Variants in CPT1A observed in about 807,000 individuals in gnomAD.
CPT1A encodes the protein carnitine O-palmitoyltransferase 1, liver isoform.
CPT1A carries 64 observed loss-of-function variants against 100.8 expected under a neutral mutation model. The ratio of observed to expected loss-of-function variants is 0.63; its 90% CI spans 0.52 to 0.78. The LOEUF (loss-of-function observed/expected upper bound fraction) is 0.78, where lower values mean the gene tolerates loss of function less well. Among genes scored for constraint, CPT1A ranks in the 30% least tolerant of loss-of-function variants. CPT1A has a pLI of 0.00. For missense variants in CPT1A, 802 were observed against 1,034.1 expected, an observed-to-expected ratio of 0.78 and a Z score of 3.08; for synonymous variants, 363 against 396.0, an observed-to-expected ratio of 0.92 and a Z score of 0.99.
chr11:68,779,795 CAAAAAAA>C (rs11419131), intron 12 of CPT1A, among the ~76,000 whole-genome samples: 1 of 124,054 alleles, frequency 8.1e-6, no homozygotes, highest in Non-Finnish European at 1.6e-5. Flanking sequence ...GACCCTGTCT[CAAAAAAA>C]AAAAAAAAAA....
In CPT1A at chr11:68,815,399, C is replaced by T; in HGVS notation, c.76G>A (p.Glu26Lys). The T allele has an allele frequency of 6.2e-7, 1 of 1,614,176 alleles. No homozygotes were observed. Among genetic ancestry groups the T allele is most frequent in the Non-Finnish European group, 8.5e-7 (1 of 1,180,012 alleles). ...GAGAGATAGATTTGTCTAAGAGCTT[C>T]ATGGCTCAGCCGCAGGTCAATCCCG... The part of the protein sequence containing the change: ...PDGIDLRLSH[E>K]ALRQIYLSGL... The change falls in exon 2 of 19, where the codon GAA (glutamate) becomes AAA (lysine). Residue 26 changes from glutamate (E) to lysine (K), a missense_variant. Physicochemically the swap from Glu to Lys is moderately conservative, Grantham distance 56. Coordinates refer to ENST00000265641, the MANE Select transcript of CPT1A (RefSeq NM_001876.4).
chr11:68,772,080 G>A (rs997538256), intron 14 of CPT1A, among the ~76,000 whole-genome samples: 2 of 152,224 alleles, frequency 1.3e-5, no homozygotes, highest in African/African-American at 2.4e-5. Flanking sequence ...GGCTGGGCAC[G>A]GTGGCTCACG....
chr11:68,841,984 G>A, upstream of CPT1A: 1 of 985,170 alleles, frequency 1.0e-6, no homozygotes, highest in Non-Finnish European at 1.2e-6. This position sits in a 1 kb window ranked among gnomAD's most constrained non-coding sequence, Gnocchi z 6.3. Flanking sequence ...GCGGGCCCGG[G>A]GCCTCGGCGG....
chr11:68,836,508 C>T (rs1320528358), intron 1 of CPT1A, among the ~76,000 whole-genome samples: 1 of 152,086 alleles, frequency 6.6e-6, no homozygotes, highest in African/African-American at 2.4e-5. Flanking sequence ...CGCAGTGGCT[C>T]ATGCCTGTAA....
At chr11:68,839,644 C>T in intron 1 of CPT1A, 1 of 985,504 alleles carries the variant, frequency 1.0e-6, no homozygotes, top group African/African-American at 1.7e-5. Flanking sequence ...TCCAACGAGC[C>T]AGAAACGCAG....
intron 1 of CPT1A, among the ~76,000 whole-genome samples, chr11:68,827,319 C>T (rs535492984): frequency 1.1e-3 from 165 of 152,218 alleles, no homozygotes; most frequent in African/African-American, 3.8e-3. Flanking sequence ...GGCGACAGAA[C>T]GAGATCTTGT....
intron 14 of CPT1A, among the ~76,000 whole-genome samples, chr11:68,771,093 G>C (rs1055550753): frequency 5.3e-5 from 8 of 152,220 alleles, no homozygotes; most frequent in Non-Finnish European, 7.3e-5. Context: ...CTGGGGAGCA[G>C]ATGGGGTGGC....
Position 68,782,852 on chromosome 11 carries a change from C to T in CPT1A, c.1164-893G>A, listed in dbSNP as rs111562713. On this transcript the variant is annotated intron_variant, in intron 10 of 18. Coordinates refer to ENST00000265641, the MANE Select transcript of CPT1A (RefSeq NM_001876.4). ...AAGGTGACGCTGACGGTGGCCGGCA[C>T]GTACGGAGCCCTTCCTGTGAATGAC... is the stretch of plus-strand genomic sequence containing the variant. Among the ~76,000 whole-genome samples, 723 of 152,258 alleles carry T rather than the reference C, an allele frequency of 4.7e-3. 5 individuals carry two copies. The highest frequency in any genetic ancestry group is 0.016 in the African/African-American group (681 of 41,508).
intron 10 of CPT1A, among the ~76,000 whole-genome samples, chr11:68,783,426 G>A (rs952094887): frequency 1.3e-5 from 2 of 152,038 alleles, no homozygotes; most frequent in African/African-American, 4.8e-5. Flanking sequence ...TGCTACCCCG[G>A]GGCATGCGGC....
At chr11:68,804,390 T>C (rs1387302725) in intron 4 of CPT1A, among the ~76,000 whole-genome samples, 3 of 152,100 alleles carry the variant, frequency 2.0e-5, no homozygotes, top group African/African-American at 7.2e-5. Flanking sequence ...CTGCCCTCCA[T>C]GCCAATAAAA....
At position 68,795,792 on chromosome 11, in the gene CPT1A, C is replaced by A. The variant is rs868434027; in HGVS notation, c.772-881G>T. On this transcript the variant is annotated intron_variant, in intron 7 of 18. Coordinates refer to ENST00000265641, the MANE Select transcript of CPT1A (RefSeq NM_001876.4). ...GGGCGTTGTGGCAGGTGCCTGTAATCCCAGCTACTCGGGAGGCTGAGGCAG... is the reference window on the plus strand; with the variant it reads ...GGGCGTTGTGGCAGGTGCCTGTAATACCAGCTACTCGGGAGGCTGAGGCAG... Among the ~76,000 whole-genome samples the A allele has an allele frequency of 6.6e-4, 100 of 151,846 alleles. 1 individual carries two copies. Among genetic ancestry groups the A allele is most frequent in the African/African-American group, 2.3e-3 (97 of 41,410 alleles).
chr11:68,789,639 T>A (rs531709345), intron 9 of CPT1A, among the ~76,000 whole-genome samples: 50 of 152,286 alleles, frequency 3.3e-4, no homozygotes, highest in African/African-American at 1.2e-3. Context: ...TGACCTCAAG[T>A]GATCCACCCG....
intron 10 of CPT1A, among the ~76,000 whole-genome samples, chr11:68,783,066 C>T (rs902823010): frequency 2.0e-5 from 3 of 152,164 alleles, no homozygotes; most frequent in African/African-American, 7.2e-5. Flanking sequence ...CATCTCCTGC[C>T]GCCGCTCTTT....
chr11:68,815,481 A>C lies in CPT1A; in HGVS notation c.-7T>G. 6.2e-7 allele frequency: 1 copy of C among 1,614,074 alleles called. No individual in the cohort carries two copies. Among genetic ancestry groups the C allele is most frequent in the South Asian group, 1.1e-5 (1 of 91,082 alleles). The stretch of plus-strand genomic sequence containing the variant: ...CTTGGTGAGCTTCTGCCATCTTCAG[A>C]GAGTACCTGGAAGGAGAAGGAGAAA... On this transcript the variant is annotated 5_prime_UTR_variant, in exon 2 of 19. Coordinates refer to ENST00000265641, the MANE Select transcript of CPT1A (RefSeq NM_001876.4).
chr11:68,763,011 A>G (rs1162867950), intron 14 of CPT1A, among the ~76,000 whole-genome samples: 2 of 151,612 alleles, frequency 1.3e-5, no homozygotes, highest in African/African-American at 4.9e-5. Flanking sequence ...GTGCATGCTA[A>G]TTTTTTTAAA....
chr11:68,821,964 A>G (rs1253850637), intron 1 of CPT1A, among the ~76,000 whole-genome samples: 1 of 152,208 alleles, frequency 6.6e-6, no homozygotes, highest in Non-Finnish European at 1.5e-5. Context: ...GGCTAGTATC[A>G]CAAAGATGGA....
chr11:68,785,610 T>A (rs1476417577), intron 9 of CPT1A: 9 of 122,322 alleles, frequency 7.4e-5, no homozygotes, highest in Admixed American at 3.9e-4. Context: ...ATATTATCAT[T>A]AAAAAAAAAA....
chr11:68,772,533 T>C (rs994369689), intron 14 of CPT1A, among the ~76,000 whole-genome samples: 5 of 151,922 alleles, frequency 3.3e-5, no homozygotes, highest in African/African-American at 1.2e-4. Flanking sequence ...AGCCAAAATA[T>C]GGCCAGTGCT....
At chr11:68,843,857 T>C (rs1857203604), upstream of CPT1A, among the ~76,000 whole-genome samples, 1 of 152,174 alleles carries the variant, frequency 6.6e-6, no homozygotes, top group Non-Finnish European at 1.5e-5. This position sits in a 1 kb window ranked among gnomAD's most constrained non-coding sequence, Gnocchi z 4.0. Flanking sequence ...ACGTGGGCCT[T>C]CGCGGTTTGC....
Sources: allele counts gnomAD v4.1 joint callset (sites outside exome capture counted in the v4.1 genomes callset), GRCh38; gene constraint gnomAD v4.1.1; non-coding constraint Gnocchi (gnomAD v3.1); transcripts MANE v1.5; gene names NCBI Gene and HGNC (gene_info 2026-07-23, HGNC 2026-07-21).